PIK3R6: variants seen among roughly 807,000 people sequenced by gnomAD.
PIK3R6 encodes phosphoinositide-3-kinase regulatory subunit 6, also known as phosphoinositide 3-kinase regulatory subunit 6.
Under a neutral mutation model 84.9 loss-of-function variants are expected in PIK3R6, and 91 were observed. The observed-to-expected ratio is 1.07, with a 90% CI of 0.90 to 1.28. The LOEUF (loss-of-function observed/expected upper bound fraction) is 1.28, where lower values mean the gene tolerates loss of function less well. Ranked by LOEUF, PIK3R6 falls within the 50% of genes most tolerant of loss-of-function variation. The probability of loss-of-function intolerance (pLI) is 0.00; values close to 1 mark genes in which losing one functional copy is unlikely to be tolerated. For missense variants in PIK3R6, 996 were observed against 985.1 expected (o/e 1.01, Z -0.15); for synonymous variants, 416 against 411.4 (o/e 1.01, Z -0.13).
intron 18 of PIK3R6, among the ~76,000 whole-genome samples, chr17:8,815,887 T>C (rs1402656669): frequency 3.3e-5 from 5 of 152,230 alleles, no homozygotes; most frequent in South Asian, 2.1e-4. Flanking sequence ...CCCATCCAGA[T>C]GTGAATTTGG....
intron 1 of PIK3R6, among the ~76,000 whole-genome samples, chr17:8,866,700 G>A (rs1597451700): frequency 6.6e-6 from 1 of 151,898 alleles, no homozygotes; most frequent in Non-Finnish European, 1.5e-5. Context: ...TGCACACCAG[G>A]TCCTCCCTTG....
intron 10 of PIK3R6, among the ~76,000 whole-genome samples, chr17:8,829,496 A>C (rs1044050769): frequency 8.1e-6 from 1 of 123,110 alleles, no homozygotes; most frequent in Non-Finnish European, 1.7e-5. Flanking sequence ...GCATACACAC[A>C]CACTGACACA....
chr17:8,839,467 A>G lies in PIK3R6; in HGVS notation c.97+147T>C, dbSNP rs770457967. ...AAGCCTTCTCAGTCCTTCAGGCTCT[A>G]GGTATTTCCAGCAGGAAAGGGGTTT... On this transcript the variant is annotated intron_variant, in intron 3 of 19. Transcript: ENST00000619866. This position sits in a 1 kb window ranked among gnomAD's most constrained non-coding sequence, Gnocchi z 4.2. 5 of 573,492 alleles carry G rather than the reference A, an allele frequency of 8.7e-6. No individual in the cohort carries two copies. Among genetic ancestry groups the G allele is most frequent in the Non-Finnish European group, 1.5e-5 (5 of 324,778 alleles). 35.5% of individuals were successfully genotyped at this position (573,492 alleles called of 1,614,324 possible).
rs150378778 is a variant in PIK3R6 at position 8,829,702 on chromosome 17, G to T, written c.889+4C>A. 62 of 1,551,710 alleles carry T rather than the reference G, an allele frequency of 4.0e-5. No homozygotes were observed. Among genetic ancestry groups the T allele is most frequent in the Non-Finnish European group, 5.2e-5 (60 of 1,147,130 alleles). Reference sequence around the variant, plus strand: ...TGTTTCCAGACAGCTCCATGGGCACGTACAGAGCTGCTCCTCACCGGTCCA... The same window carrying T: ...TGTTTCCAGACAGCTCCATGGGCACTTACAGAGCTGCTCCTCACCGGTCCA... On this transcript the variant is annotated splice_donor_region_variant and intron_variant, in intron 10 of 19. Coordinates refer to ENST00000619866, the MANE Select transcript of PIK3R6 (RefSeq NM_001010855.4).
At position 8,803,162 on chromosome 17, in the gene PIK3R6, T is replaced by A; in HGVS notation, c.*111A>T. 3 of 1,441,466 alleles carry A rather than the reference T, an allele frequency of 2.1e-6. No homozygotes were observed. The highest frequency in any genetic ancestry group is 2.9e-6 in the Non-Finnish European group (3 of 1,051,656). 89.3% of individuals were successfully genotyped at this position (1,441,466 alleles called of 1,614,324 possible). ...CTCCCAGGCACTCGCTGGCTCCTGG[T>A]CAAGGCCAAAGCTGCCGTGTGGAGC... On this transcript the variant is annotated 3_prime_UTR_variant, in exon 20 of 20. Coordinates refer to ENST00000619866, the MANE Select transcript of PIK3R6 (RefSeq NM_001010855.4). This position sits in a 1 kb window ranked among gnomAD's most constrained non-coding sequence, Gnocchi z 5.0.
chr17:8,839,819 C>T lies in PIK3R6; in HGVS notation c.14-122G>A, dbSNP rs2088614119. On this transcript the variant is annotated intron_variant, in intron 2 of 19. Transcript: ENST00000619866. This position sits in a 1 kb window ranked among gnomAD's most constrained non-coding sequence, Gnocchi z 4.2. ...AGCCTCAGGAGGTGCCCGAAGTAATCGACTTAGAGCTGGCAGCCAGCATGC... is the reference window on the plus strand; with the variant it reads ...AGCCTCAGGAGGTGCCCGAAGTAATTGACTTAGAGCTGGCAGCCAGCATGC... The T allele has an allele frequency of 1.1e-5, 8 of 739,764 alleles. No individual in the cohort carries two copies. The highest frequency in any genetic ancestry group is 4.1e-5 in the South Asian group (2 of 48,204). 45.8% of individuals were successfully genotyped at this position (739,764 alleles called of 1,614,324 possible).
At chr17:8,838,690 G>C (rs897868972) in intron 3 of PIK3R6, 35 bp from the exon 4 acceptor site, 1 of 1,552,176 alleles carries the variant, frequency 6.4e-7, no homozygotes, top group African/African-American at 1.4e-5. Flanking sequence ...GGCATGAGCA[G>C]GTGGGCAGTT....
At position 8,853,180 on chromosome 17, in the gene PIK3R6, AT is replaced by A. The variant is rs35380347; in HGVS notation, c.-91-3296del. Among the ~76,000 whole-genome samples the A allele has an allele frequency of 1.3e-3, 193 of 151,056 alleles. 1 individual carries two copies. The East Asian group carries it at 0.027, about 21-fold the overall frequency. Reference sequence around the variant, plus strand: ...ACAATACCATTTACAATAGCTCCAAATTTTTTTTTTAAATAAATATTTAGGT... The same window carrying A: ...ACAATACCATTTACAATAGCTCCAAATTTTTTTTTAAATAAATATTTAGGT... On this transcript the variant is annotated intron_variant, in intron 1 of 19. Transcript: ENST00000619866.
Position 8,803,503 on chromosome 17 carries a change from G to T in PIK3R6, c.2109-74C>A. The T allele has an allele frequency of 6.9e-7, 1 of 1,439,036 alleles. No individual in the cohort carries two copies. The highest frequency in any genetic ancestry group is 9.4e-7 in the Non-Finnish European group (1 of 1,063,842). 89.1% of individuals were successfully genotyped at this position (1,439,036 alleles called of 1,614,324 possible). A position where few individuals can be genotyped will look rare whatever the true frequency, so the allele number is the denominator to read the frequency against. On this transcript the variant is annotated intron_variant, in intron 19 of 19. Transcript: ENST00000619866. This position sits in a 1 kb window ranked among gnomAD's most constrained non-coding sequence, Gnocchi z 5.0. Reference sequence around the variant, plus strand: ...TTGCCTAGGGCATTTGAAAGGCAGAGCTGTTATTGTAGGGCCTAGAGCTGT... The same window carrying T: ...TTGCCTAGGGCATTTGAAAGGCAGATCTGTTATTGTAGGGCCTAGAGCTGT...
Position 8,836,557 on chromosome 17 carries a change from A to G in PIK3R6, c.451T>C (p.Tyr151His), listed in dbSNP as rs1440934986. The part of the protein sequence containing the change: ...EQNLTNELYP[Y>H]QERVFLFVDP... ...TCTGGGGCCACTCACCTCTCCTGGT[A>G]GGGATACAGCTCATTCGTCAAGTTC... Residue 151 changes from tyrosine (Y) to histidine (H), a missense_variant, in exon 7 of 20, where the codon TAC becomes CAC. By Grantham distance (83) the Tyr-to-His change is moderately conservative (BLOSUM62 2). Transcript: ENST00000619866. The G allele has an allele frequency of 2.5e-6, 4 of 1,613,850 alleles. No homozygotes were observed. The highest frequency in any genetic ancestry group is 3.4e-6 in the Non-Finnish European group (4 of 1,179,882).
intron 1 of PIK3R6, among the ~76,000 whole-genome samples, chr17:8,852,266 G>A (rs959964359): frequency 3.9e-5 from 6 of 152,140 alleles, no homozygotes; most frequent in African/African-American, 1.4e-4. Context: ...CTTAAAAATG[G>A]TTAAGATGGT....
In PIK3R6 at chr17:8,844,274, C is replaced by T. The variant is rs151079329; in HGVS notation, c.14-4577G>A. On this transcript the variant is annotated intron_variant, in intron 2 of 19. Transcript: ENST00000619866. The surrounding 1 kb of genome is among the most constrained non-coding windows in gnomAD (Gnocchi z 4.5). Reference sequence around the variant, plus strand: ...GGCTGTAGCCACCGTGGACTGGAGACGACAGACTTTTCCCACTACCCAGAC... The same window carrying T: ...GGCTGTAGCCACCGTGGACTGGAGATGACAGACTTTTCCCACTACCCAGAC... Among the ~76,000 whole-genome samples the T allele has an allele frequency of 5.0e-3, 758 of 152,316 alleles. 9 individuals carry two copies. Among genetic ancestry groups the T allele is most frequent in the African/African-American group, 0.017 (696 of 41,556 alleles).
intron 2 of PIK3R6, among the ~76,000 whole-genome samples, chr17:8,846,874 T>C (rs948012428): frequency 6.6e-6 from 1 of 152,182 alleles, no homozygotes; most frequent in Non-Finnish European, 1.5e-5. Context: ...CAATGGAATG[T>C]GGTGGAAGTG....
chr17:8,866,639 G>A (rs998213453), intron 1 of PIK3R6, among the ~76,000 whole-genome samples: 3 of 152,052 alleles, frequency 2.0e-5, no homozygotes, highest in African/African-American at 7.2e-5. Context: ...CCTGCCTCTG[G>A]GGGTTTGCAC....
intron 10 of PIK3R6, 60 bp downstream of exon 10, chr17:8,829,646 G>GCATACA: frequency 2.0e-6 from 3 of 1,464,850 alleles, no homozygotes; most frequent in Non-Finnish European, 2.8e-6. Flanking sequence ...ACTCATGCAC[G>GCATACA]CATACACACA....
At chr17:8,835,538 G>C (rs531641928) in intron 7 of PIK3R6, 82 bp from the exon 8 acceptor site, 2 of 1,172,410 alleles carry the variant, frequency 1.7e-6, no homozygotes, top group South Asian at 3.9e-5. Flanking sequence ...CCTCAGAGCT[G>C]TGCAGCACCT....
At chr17:8,855,780 T>C (rs1177982249) in intron 1 of PIK3R6, among the ~76,000 whole-genome samples, 1 of 152,232 alleles carries the variant, frequency 6.6e-6, no homozygotes, top group African/African-American at 2.4e-5. Flanking sequence ...AGTTTGACAA[T>C]TTCTCATAAA....
In PIK3R6 at chr17:8,832,967, G is replaced by T; in HGVS notation, c.724C>A (p.Pro242Thr). 1 of 1,612,334 alleles carries T rather than the reference G, an allele frequency of 6.2e-7. No homozygotes were observed. ...ALEQMASEAS[P>T]SREGHVERLE... ...CTCTCTACGTGTCCCTCCCGGCTCG[G>T]GCTGGCCTCGCTGGCCATCTGCTCC... The change falls in exon 9 of 20, where the codon CCG becomes ACG. Residue 242 changes from proline to threonine, a missense_variant. By Grantham distance (38) the Pro-to-Thr change is conservative. Coordinates refer to ENST00000619866, the MANE Select transcript of PIK3R6 (RefSeq NM_001010855.4).
At chr17:8,866,519 G>A (rs918965008) in intron 1 of PIK3R6, among the ~76,000 whole-genome samples, 17 of 152,100 alleles carry the variant, frequency 1.1e-4, no homozygotes, top group East Asian at 9.6e-4. Flanking sequence ...TCCAGCCTGC[G>A]CAAAAGCGTG....
Sources: gnomAD v4.1 joint callset for allele counts (sites outside exome capture counted in the v4.1 genomes callset) on GRCh38, gnomAD v4.1.1 for gene constraint, Gnocchi (gnomAD v3.1) non-coding constraint, MANE v1.5 for transcripts, NCBI Gene and HGNC (gene_info 2026-07-23, HGNC 2026-07-21) for gene names.